AKAP1: variants seen among roughly 807,000 people sequenced by gnomAD.
AKAP1 encodes A-kinase anchoring protein 1.
AKAP1 carries 32 observed loss-of-function variants against 79.8 expected under a neutral mutation model. The ratio of observed to expected loss-of-function variants is 0.40; its 90% CI spans 0.30 to 0.54. The LOEUF is 0.54. AKAP1 is among the 20% of genes least tolerant of loss of function. The probability of loss-of-function intolerance (pLI) is 0.47; values close to 1 mark genes in which losing one functional copy is unlikely to be tolerated. For synonymous variants in AKAP1, 416 were observed against 466.7 expected (o/e 0.89, Z 1.40); for missense variants, 961 against 1,138.9 (o/e 0.84, Z 2.25).
chr17:57,089,358 A>C (rs1163085124), intron 1 of AKAP1, among the ~76,000 whole-genome samples: 2 of 152,202 alleles, frequency 1.3e-5, no homozygotes, highest in African/African-American at 4.8e-5. Flanking sequence ...TTTTATTTTT[A>C]AAGATAGCTT....
rs1217006221 is a variant in AKAP1 at position 57,116,142 on chromosome 17, CG to C, written c.2317del (p.Ala773ProfsTer30). 2 of 1,613,716 alleles carry C rather than the reference CG, an allele frequency of 1.2e-6. No homozygotes were observed. The highest frequency in any genetic ancestry group is 1.3e-5 in the African/African-American group (1 of 74,940). On this transcript the variant is annotated frameshift_variant, in exon 7 of 11. Transcript: ENST00000337714. LOFTEE classifies it high-confidence loss of function. ...TVICAAPGAD[G>X]AWWRAQVVAS... is the part of the protein sequence containing the mutation. ...TCATCTGTGCCGCCCCTGGTGCGGA[CG>C]GGGCCTGGTGGCGAGCCCAAGTGGT...
intron 1 of AKAP1, among the ~76,000 whole-genome samples, chr17:57,089,014 T>G (rs1384545990): frequency 6.6e-6 from 1 of 152,238 alleles, no homozygotes. Context: ...TGATGAGGCT[T>G]GTTTCACTGC....
intron 1 of AKAP1, among the ~76,000 whole-genome samples, chr17:57,089,777 T>G (rs1245605148): frequency 6.6e-6 from 1 of 152,186 alleles, no homozygotes; most frequent in Non-Finnish European, 1.5e-5. Flanking sequence ...AGTCTGCCAG[T>G]TGGGAGTGGA....
chr17:57,087,013 C>T (rs1054786674), intron 1 of AKAP1, among the ~76,000 whole-genome samples: 2 of 152,130 alleles, frequency 1.3e-5, no homozygotes, highest in African/African-American at 2.4e-5. Context: ...GTTTTGGGAA[C>T]CTTTTGACTT....
At chr17:57,117,326 A>C (rs1915649691) in intron 8 of AKAP1, among the ~76,000 whole-genome samples, 2 of 152,222 alleles carry the variant, frequency 1.3e-5, no homozygotes, top group South Asian at 4.1e-4. Flanking sequence ...GTCTTAGACT[A>C]TGAAAGCATT....
rs999750302 is a variant in AKAP1, at chr17:57,086,923, T to C, written c.-25+1525T>C. ...AGGCTGCCTGACTTGATCATTTATA[T>C]AATTCCTCTGATCTTGGCATTGAAG... On this transcript the variant is annotated intron_variant, in intron 1 of 10. Transcript: ENST00000337714. This position sits in a 1 kb window ranked among gnomAD's most constrained non-coding sequence, Gnocchi z 5.1. Among the ~76,000 whole-genome samples the C allele has an allele frequency of 6.6e-6, 1 of 152,206 alleles. No homozygotes were observed. Among genetic ancestry groups the C allele is most frequent in the Non-Finnish European group, 1.5e-5 (1 of 68,034 alleles).
intron 1 of AKAP1, chr17:57,094,352 C>G (rs75154900): frequency 6.6e-6 from 1 of 152,396 alleles, no homozygotes; most frequent in Admixed American, 6.5e-5. Context: ...GGGAGCCCAT[C>G]GTTCAGTAGC....
chr17:57,116,808 T>A (rs1597992251), intron 7 of AKAP1, 52 bp from the exon 8 acceptor site: 4 of 1,505,132 alleles, frequency 2.7e-6, no homozygotes. Context: ...TGGCTTGGAG[T>A]GGAGTCAGCC....
At position 57,106,575 on chromosome 17, in the gene AKAP1, G is replaced by A. The variant is rs1436327819; in HGVS notation, c.1111G>A (p.Val371Ile). The A allele has an allele frequency of 1.9e-6, 3 of 1,614,092 alleles. No homozygotes were observed. The highest frequency in any genetic ancestry group is 1.3e-5 in the African/African-American group (1 of 74,920). ...GGTGCTGGCCACCACGGTTGGCAAG[G>A]TTGCAGGTCGTGTGTGTCAGGCCAG... ...EQVLATTVGK[V>I]AGRVCQASQL... Residue 371 changes from valine to isoleucine, a missense_variant, in exon 2 of 11, where the codon GTT becomes ATT. Transcript: ENST00000337714.
In AKAP1 at chr17:57,114,559, C is replaced by G; in HGVS notation, c.2204C>G (p.Ala735Gly). Residue 735 changes from alanine to glycine, a missense_variant, in exon 6 of 11, where the codon GCG becomes GGG. Coordinates refer to ENST00000337714, the MANE Select transcript of AKAP1 (RefSeq NM_003488.4). ...VQQHTHPTFH[A>G]LRSLDQQMYL... is the part of the protein sequence containing the mutation. ...CAGCACACACACCCTACCTTCCACG[C>G]GCTGCGCAGCCTCGACCAGCAGATG... is the stretch of plus-strand genomic sequence containing the variant. The G allele has an allele frequency of 6.2e-7, 1 of 1,614,192 alleles. No homozygotes were observed. The highest frequency in any genetic ancestry group is 8.5e-7 in the Non-Finnish European group (1 of 1,180,046).
chr17:57,114,321 C>T, intron 5 of AKAP1, 138 bp from the exon 6 acceptor site: 1 of 1,033,084 alleles, frequency 9.7e-7, no homozygotes, highest in Non-Finnish European at 1.4e-6. Flanking sequence ...CAACCTCTAC[C>T]TTCTGGGTGC....
At position 57,106,403 on chromosome 17, in the gene AKAP1, TGAG is replaced by T; in HGVS notation, c.944_946del (p.Glu315del). 7.1e-7 allele frequency: 1 copy of T among 1,409,842 alleles called. No individual in the cohort carries two copies. Among genetic ancestry groups the T allele is most frequent in the Non-Finnish European group, 9.9e-7 (1 of 1,011,256 alleles). The allele number at this position is 1,409,842 out of a possible 1,614,324, so 87.3% of individuals were successfully genotyped here. A position where few individuals can be genotyped will look rare whatever the true frequency, so the allele number is the denominator to read the frequency against. On this transcript the variant is annotated inframe_deletion, in exon 2 of 11. Transcript: ENST00000337714. ...GCAATGAGGAGAGCTTGGATAGAAA[TGAG>T]GAGGGCTTGGATAGAAATGAGGAGG...
chr17:57,094,511 G>GGCCAA (rs1913976505), intron 1 of AKAP1: 1 of 152,150 alleles, frequency 6.6e-6, no homozygotes, highest in Admixed American at 6.5e-5. Context: ...CGCCAGGCCA[G>GGCCAA]GCCAGCAGAA....
chr17:57,116,805 G>A (rs941900619), intron 7 of AKAP1, 55 bp from the exon 8 acceptor site: 20 of 1,490,484 alleles, frequency 1.3e-5, no homozygotes, highest in Non-Finnish European at 1.8e-5. Context: ...TACTGGCTTG[G>A]AGTGGAGTCA....
At chr17:57,085,940 C>G (rs1913417177) in intron 1 of AKAP1, 1 of 170,210 alleles carries the variant, frequency 5.9e-6, no homozygotes, top group South Asian at 1.3e-4. Flanking sequence ...ACCCTCGGCT[C>G]GCCCGCCGGC....
chr17:57,087,790 T>G (rs1597954108), intron 1 of AKAP1, among the ~76,000 whole-genome samples: 1 of 152,222 alleles, frequency 6.6e-6, no homozygotes, highest in Non-Finnish European at 1.5e-5. Context: ...CTGGCTAGCC[T>G]CCTGCTCCCA....
intron 1 of AKAP1, among the ~76,000 whole-genome samples, chr17:57,098,237 T>G (rs1231579932): frequency 1.3e-5 from 2 of 152,208 alleles, no homozygotes; most frequent in East Asian, 3.8e-4. Flanking sequence ...CCCAGGCAAA[T>G]GGACCTGCTA....
intron 10 of AKAP1, among the ~76,000 whole-genome samples, chr17:57,119,918 G>A (rs1366331571): frequency 7.4e-6 from 1 of 135,666 alleles, no homozygotes; most frequent in African/African-American, 2.8e-5. Flanking sequence ...TGTAACCTCC[G>A]CCTCCGGGGT....
rs1913571291 is a variant in AKAP1, at chr17:57,088,101, T to C, written c.-25+2703T>C. ...CCCATTGAAATCATCTCATATACTGTTTGAGAGTTGCTCATCTTTATGGTG... is the reference window on the plus strand; with the variant it reads ...CCCATTGAAATCATCTCATATACTGCTTGAGAGTTGCTCATCTTTATGGTG... On this transcript the variant is annotated intron_variant, in intron 1 of 10. Transcript: ENST00000337714. Among the ~76,000 whole-genome samples the C allele has an allele frequency of 3.3e-5, 5 of 152,340 alleles. No homozygotes were observed. The South Asian group carries it at 1.0e-3, about 32-fold the overall frequency.
Sources: allele counts gnomAD v4.1 joint callset (sites outside exome capture counted in the v4.1 genomes callset), GRCh38; gene constraint gnomAD v4.1.1; non-coding constraint Gnocchi (gnomAD v3.1); transcripts MANE v1.5; gene names NCBI Gene and HGNC (gene_info 2026-07-23, HGNC 2026-07-21).